Variants in TNIK observed in about 807,000 individuals in gnomAD.
TNIK encodes TRAF2 and NCK interacting kinase.
In TNIK, 49 loss-of-function variants were observed where a neutral mutation model predicts 191.3. That is an observed-to-expected ratio of 0.26 (90% confidence interval 0.20 to 0.32). The LOEUF is 0.32. Ranked by LOEUF, TNIK falls within the 10% of genes least tolerant of loss-of-function variation. The probability of loss-of-function intolerance (pLI) is 1.00; values close to 1 mark genes in which losing one functional copy is unlikely to be tolerated. For synonymous variants in TNIK, 594 were observed against 600.9 expected (o/e 0.99, Z 0.17); for missense variants, 1,155 against 1,702.3 (o/e 0.68, Z 5.66).
intron 2 of TNIK, among the ~76,000 whole-genome samples, chr3:171,244,644 A>G (rs973805218): frequency 4.6e-5 from 7 of 151,996 alleles, no homozygotes; most frequent in Non-Finnish European, 8.8e-5. Flanking sequence ...TATTAAGAAA[A>G]CTATCATGTT....
intron 1 of TNIK, among the ~76,000 whole-genome samples, chr3:171,451,092 A>G (rs953073161): frequency 7.2e-5 from 11 of 152,214 alleles, no homozygotes; most frequent in African/African-American, 2.7e-4. Context: ...GTGTTAGTTA[A>G]TATTCTTGTG....
intron 11 of TNIK, among the ~76,000 whole-genome samples, chr3:171,158,131 G>A (rs1733475394): frequency 1.3e-5 from 2 of 152,242 alleles, no homozygotes; most frequent in Non-Finnish European, 2.9e-5. Flanking sequence ...CCATGAGGCA[G>A]AGGCCAGGCT....
chr3:171,122,210 A>C (rs1014499123), intron 18 of TNIK, among the ~76,000 whole-genome samples: 2 of 152,254 alleles, frequency 1.3e-5, no homozygotes, highest in Non-Finnish European at 2.9e-5. Flanking sequence ...ATAATACTTG[A>C]TCTAAAGAAA....
At chr3:171,102,562 TG>T (rs1723751160) in intron 21 of TNIK, among the ~76,000 whole-genome samples, 2 of 152,164 alleles carry the variant, frequency 1.3e-5, no homozygotes, top group African/African-American at 2.4e-5. Context: ...CTAATTTGCA[TG>T]GGTTAAACTG....
intron 1 of TNIK, among the ~76,000 whole-genome samples, chr3:171,428,887 C>G (rs1047806188): frequency 1.3e-5 from 2 of 152,164 alleles, no homozygotes; most frequent in African/African-American, 4.8e-5. Flanking sequence ...ACAGCATCCT[C>G]TGAATTCTGT....
At chr3:171,324,176 T>C (rs183422525) in intron 2 of TNIK, among the ~76,000 whole-genome samples, 1 of 152,116 alleles carries the variant, frequency 6.6e-6, no homozygotes, top group African/African-American at 2.4e-5. Flanking sequence ...AAACCAAGAT[T>C]TCAGCAATAT....
intron 9 of TNIK, 50 bp downstream of exon 9, chr3:171,175,202 A>G: frequency 6.4e-7 from 1 of 1,556,178 alleles, no homozygotes; most frequent in Non-Finnish European, 8.8e-7. Context: ...AAATAGAATC[A>G]CAAGAAAACC....
chr3:171,309,921 CT>C (rs1753840982), intron 2 of TNIK, among the ~76,000 whole-genome samples: 1 of 152,074 alleles, frequency 6.6e-6, no homozygotes, highest in Non-Finnish European at 1.5e-5. Context: ...GGGAGAAAAA[CT>C]TTATCTCATT....
At chr3:171,209,666 T>A (rs942232335) in intron 4 of TNIK, among the ~76,000 whole-genome samples, 1 of 152,168 alleles carries the variant, frequency 6.6e-6, no homozygotes, top group Non-Finnish European at 1.5e-5. Flanking sequence ...GTAACTTTTT[T>A]AGAATTATAT....
At position 171,080,568 on chromosome 3, in the gene TNIK, C is replaced by T. The variant is rs537064578; in HGVS notation, c.3314-916G>A. 5.9e-5 allele frequency among the ~76,000 whole-genome samples: 9 copies of T among 152,082 alleles called. No homozygotes were observed. In the East Asian group the frequency reaches 1.7e-3, roughly 29 times the overall value. ...TCTCCTGCCTCAGCCTCCCAAGTAGCTAGGATTACAGGTGCCGCTCCCAGC... is the reference window on the plus strand; with the variant it reads ...TCTCCTGCCTCAGCCTCCCAAGTAGTTAGGATTACAGGTGCCGCTCCCAGC... On this transcript the variant is annotated intron_variant, in intron 27 of 32. Transcript: ENST00000436636.
chr3:171,274,708 A>G lies in TNIK; in HGVS notation c.124-46487T>C, dbSNP rs76524170. 8.9e-3 allele frequency among the ~76,000 whole-genome samples: 1,363 copies of G among 152,326 alleles called. 18 individuals carry two copies. Among genetic ancestry groups the G allele is most frequent in the African/African-American group, 0.032 (1,310 of 41,558 alleles). On this transcript the variant is annotated intron_variant, in intron 2 of 32. Transcript: ENST00000436636. The stretch of plus-strand genomic sequence containing the variant: ...GTAGAAAACAATATTGTGACTACCA[A>G]TTGACCACACAAGTTGATCTTGATC...
At chr3:171,349,043 T>C (rs1192511908) in intron 2 of TNIK, among the ~76,000 whole-genome samples, 2 of 149,758 alleles carry the variant, frequency 1.3e-5, no homozygotes, top group African/African-American at 4.9e-5. Context: ...AAAAAGAGGT[T>C]GGTATTGCTG....
chr3:171,257,202 T>C (rs534129803), intron 2 of TNIK, among the ~76,000 whole-genome samples: 3 of 152,314 alleles, frequency 2.0e-5, no homozygotes, highest in African/African-American at 7.2e-5. Flanking sequence ...CAAGGAACCA[T>C]GCTGTAGAAC....
In TNIK at chr3:171,309,113, T is replaced by C. The variant is rs116267892; in HGVS notation, c.123+60507A>G. Among the ~76,000 whole-genome samples the C allele has an allele frequency of 9.5e-3, 1,451 of 152,140 alleles. 25 individuals are homozygous for C. The highest frequency in any genetic ancestry group is 0.033 in the African/African-American group (1,386 of 41,486). ...ACACATGCACATGTTATGATCACTG[T>C]AGCACTATTCACAGTAACAGAAACA... On this transcript the variant is annotated intron_variant, in intron 2 of 32. Coordinates refer to ENST00000436636, the MANE Select transcript of TNIK (RefSeq NM_015028.4).
intron 7 of TNIK, among the ~76,000 whole-genome samples, chr3:171,181,240 A>G (rs1334261672): frequency 6.6e-6 from 1 of 152,240 alleles, no homozygotes; most frequent in African/African-American, 2.4e-5. Context: ...TCTCAATTGC[A>G]CAATGGAAAT....
intron 2 of TNIK, among the ~76,000 whole-genome samples, chr3:171,359,133 T>C (rs1714606226): frequency 6.6e-6 from 1 of 152,150 alleles, no homozygotes; most frequent in Non-Finnish European, 1.5e-5. Flanking sequence ...ATGTACGTTC[T>C]ACGATAAGAG....
At position 171,070,647 on chromosome 3, in the gene TNIK, C is replaced by T. The variant is rs146806947; in HGVS notation, c.3549+576G>A. Among the ~76,000 whole-genome samples the T allele has an allele frequency of 1.3e-4, 20 of 152,238 alleles. No individual in the cohort carries two copies. The East Asian group carries it at 2.5e-3, about 19-fold the overall frequency. ...TATCCCCATCCCACTCCTGGCAAAT[C>T]TCATGAGTGACCAATCCAACCATGG... On this transcript the variant is annotated intron_variant, in intron 29 of 32. Transcript: ENST00000436636.
At position 171,087,523 on chromosome 3, in the gene TNIK, C is replaced by T. The variant is rs756900420; in HGVS notation, c.2722-17G>A. The stretch of plus-strand genomic sequence containing the variant: ...TCCAGACGTCTGAGGGAGCACAGCA[C>T]GTGGGAGGAGTTAGAGAGGGGGGAA... On this transcript the variant is annotated splice_polypyrimidine_tract_variant and intron_variant, in intron 23 of 32. Transcript: ENST00000436636. The T allele has an allele frequency of 1.1e-5, 18 of 1,611,422 alleles. No individual in the cohort carries two copies. Among genetic ancestry groups the T allele is most frequent in the Non-Finnish European group, 1.4e-5 (16 of 1,178,436 alleles).
intron 2 of TNIK, among the ~76,000 whole-genome samples, chr3:171,343,657 C>T (rs1322971942): frequency 6.6e-6 from 1 of 152,216 alleles, no homozygotes; most frequent in African/African-American, 2.4e-5. Flanking sequence ...AAGCCTGCTG[C>T]ATGGTTTCCA....
Sources: allele counts gnomAD v4.1 joint callset (sites outside exome capture counted in the v4.1 genomes callset), GRCh38; gene constraint gnomAD v4.1.1; transcripts MANE v1.5; gene names NCBI Gene and HGNC (gene_info 2026-07-23, HGNC 2026-07-21).